SLC1A1: variants seen among roughly 807,000 people sequenced by gnomAD.
SLC1A1 encodes solute carrier family 1 member 1, also known as excitatory amino acid transporter 3.
SLC1A1 carries 43 observed loss-of-function variants against 53.3 expected under a neutral mutation model. The ratio of observed to expected loss-of-function variants is 0.81; its 90% confidence interval spans 0.63 to 1.04. SLC1A1 has a LOEUF of 1.04. Ranked by LOEUF, SLC1A1 falls within the 50% of genes least tolerant of loss-of-function variation. The pLI is 0.00. For synonymous variants in SLC1A1, 307 were observed against 243.2 expected (o/e 1.26, Z -2.44); for missense variants, 748 against 664.9 (o/e 1.12, Z -1.37).
chr9:4,532,498 A>G (rs1428817008), intron 1 of SLC1A1, among the ~76,000 whole-genome samples: 1 of 152,198 alleles, frequency 6.6e-6, no homozygotes, highest in African/African-American at 2.4e-5. Context: ...TGAAGTGAGA[A>G]GAGAAGTTTA....
At chr9:4,570,902 G>C (rs1201520708) in intron 6 of SLC1A1, among the ~76,000 whole-genome samples, 3 of 147,276 alleles carry the variant, frequency 2.0e-5, no homozygotes, top group African/African-American at 5.2e-5. Flanking sequence ...GACAACATGA[G>C]ACCCTGTCTG....
intron 1 of SLC1A1, among the ~76,000 whole-genome samples, chr9:4,517,650 G>T (rs565024699): frequency 1.4e-4 from 22 of 152,328 alleles, no homozygotes; most frequent in African/African-American, 4.8e-4. Context: ...TATGTGGGCT[G>T]AGCTCACAAA....
chr9:4,511,375 A>G (rs1364504416), intron 1 of SLC1A1, among the ~76,000 whole-genome samples: 2 of 152,020 alleles, frequency 1.3e-5, no homozygotes, highest in Non-Finnish European at 2.9e-5. Context: ...GACTCTTTCA[A>G]AAAGGCACTA....
rs577526506 is a variant in SLC1A1 at position 4,583,899 on chromosome 9, C to G, written c.1328+727C>G. Among the ~76,000 whole-genome samples, 7 of 149,848 alleles carry G rather than the reference C, an allele frequency of 4.7e-5. No homozygotes were observed. In the South Asian group the frequency reaches 1.5e-3, roughly 32 times the overall value. On this transcript the variant is annotated intron_variant, in intron 11 of 11. Coordinates refer to ENST00000262352, the MANE Select transcript of SLC1A1 (RefSeq NM_004170.6). This position sits in a 1 kb window ranked among gnomAD's most constrained non-coding sequence, Gnocchi z 4.6. ...TCTCTCTCTCACACACACACACACA[C>G]ACACACACACACATATGGAATACAG...
chr9:4,511,600 C>CACACACACACACACA (rs55687734), intron 1 of SLC1A1, among the ~76,000 whole-genome samples: 3 of 114,990 alleles, frequency 2.6e-5, no homozygotes, highest in African/African-American at 9.0e-5. Flanking sequence ...CACACACACA[C>CACACACACACACACA]TACACTACAC....
intron 2 of SLC1A1, among the ~76,000 whole-genome samples, chr9:4,552,223 A>T (rs1399199214): frequency 1.3e-5 from 2 of 152,232 alleles, no homozygotes; most frequent in Non-Finnish European, 2.9e-5. Context: ...TTAATGAGCC[A>T]GGCTCTGCTA....
chr9:4,568,413 G>C (rs60133590), intron 6 of SLC1A1, among the ~76,000 whole-genome samples: 9 of 145,424 alleles, frequency 6.2e-5, no homozygotes, highest in South Asian at 4.3e-4. Context: ...CTGAGACCCT[G>C]TCTCAAAAAA....
chr9:4,511,058 A>G (rs1157639448), intron 1 of SLC1A1, among the ~76,000 whole-genome samples: 1 of 152,230 alleles, frequency 6.6e-6, no homozygotes, highest in South Asian at 2.1e-4. Context: ...TATTGAATTC[A>G]TAGTTACAAA....
intron 6 of SLC1A1, among the ~76,000 whole-genome samples, chr9:4,571,551 C>G (rs1294580761): frequency 1.3e-5 from 2 of 152,100 alleles, no homozygotes; most frequent in Non-Finnish European, 2.9e-5. Flanking sequence ...GGGGCGGATG[C>G]CTGTAATCCC....
chr9:4,550,085 G>A (rs558324258), intron 2 of SLC1A1, among the ~76,000 whole-genome samples: 1 of 152,258 alleles, frequency 6.6e-6, no homozygotes, highest in African/African-American at 2.4e-5. Context: ...CCAGGCCACT[G>A]AGTGTGAGTC....
chr9:4,572,339 T>C lies in SLC1A1; in HGVS notation c.718T>C (p.Phe240Leu). Reference protein sequence around the residue: ...GEKGQILVDFFNALSDATMKI... With the variant: ...GEKGQILVDFLNALSDATMKI... ...AAAGGGACAAATTCTGGTGGATTTC[T>C]TCAATGCTTTGAGTGATGCAACCAT... is the stretch of plus-strand genomic sequence containing the variant. The change falls in exon 7 of 12, where the codon TTC becomes CTC. Residue 240 changes from phenylalanine (F) to leucine (L), a missense_variant. Coordinates refer to ENST00000262352, the MANE Select transcript of SLC1A1 (RefSeq NM_004170.6). The C allele has an allele frequency of 6.2e-7, 1 of 1,614,206 alleles. No individual in the cohort carries two copies. The highest frequency in any genetic ancestry group is 1.1e-5 in the South Asian group (1 of 91,090).
intron 1 of SLC1A1, among the ~76,000 whole-genome samples, chr9:4,535,030 A>G (rs1816621021): frequency 6.6e-6 from 1 of 152,206 alleles, no homozygotes; most frequent in South Asian, 2.1e-4. Flanking sequence ...AAAACTCTCA[A>G]TAAATTAGGT....
chr9:4,538,789 T>C (rs1219807179), intron 1 of SLC1A1, among the ~76,000 whole-genome samples: 1 of 152,172 alleles, frequency 6.6e-6, no homozygotes, highest in African/African-American at 2.4e-5. Flanking sequence ...CAGGAAGAGA[T>C]GAGAAAGGGA....
In SLC1A1 at chr9:4,577,290, G is replaced by A. The variant is rs149394610; in HGVS notation, c.1193+527G>A. Among the ~76,000 whole-genome samples the A allele has an allele frequency of 2.2e-3, 338 of 152,330 alleles. 5 individuals are homozygous for A. Among genetic ancestry groups the A allele is most frequent in the African/African-American group, 7.7e-3 (321 of 41,576 alleles). Reference sequence around the variant, plus strand: ...GCATTTGGAGTGGCAGAAATAGCTTGTGATGCAGCCATGGGCTAGTTACAG... The same window carrying A: ...GCATTTGGAGTGGCAGAAATAGCTTATGATGCAGCCATGGGCTAGTTACAG... On this transcript the variant is annotated intron_variant, in intron 10 of 11. Coordinates refer to ENST00000262352, the MANE Select transcript of SLC1A1 (RefSeq NM_004170.6).
intron 10 of SLC1A1, among the ~76,000 whole-genome samples, chr9:4,578,743 C>G (rs895352117): frequency 5.3e-5 from 8 of 152,184 alleles, no homozygotes; most frequent in Non-Finnish European, 7.3e-5. Context: ...CAGCACTATT[C>G]AATATGGTAA....
At chr9:4,542,138 C>T (rs1381927441) in intron 1 of SLC1A1, among the ~76,000 whole-genome samples, 3 of 151,540 alleles carry the variant, frequency 2.0e-5, no homozygotes, top group Non-Finnish European at 4.4e-5. Context: ...TATTTCTATT[C>T]TTCTTTTTAG....
chr9:4,499,410 G>A (rs1820560680), intron 1 of SLC1A1, among the ~76,000 whole-genome samples: 1 of 152,086 alleles, frequency 6.6e-6, no homozygotes, highest in Non-Finnish European at 1.5e-5. Context: ...GATCCTTCTG[G>A]CCTCGCCAAA....
chr9:4,492,213 G>C (rs1820260071), intron 1 of SLC1A1, among the ~76,000 whole-genome samples: 1 of 152,084 alleles, frequency 6.6e-6, no homozygotes, highest in African/African-American at 2.4e-5. Context: ...TATTTAAATA[G>C]CATACGCTAC....
At chr9:4,528,415 A>C (rs1160844576) in intron 1 of SLC1A1, among the ~76,000 whole-genome samples, 2 of 152,142 alleles carry the variant, frequency 1.3e-5, no homozygotes, top group Non-Finnish European at 2.9e-5. Context: ...TACTAAAAAT[A>C]CAAAAACAAA....
Sources: allele counts gnomAD v4.1 joint callset (sites outside exome capture counted in the v4.1 genomes callset), GRCh38; gene constraint gnomAD v4.1.1; non-coding constraint Gnocchi (gnomAD v3.1); transcripts MANE v1.5; gene names NCBI Gene and HGNC (gene_info 2026-07-23, HGNC 2026-07-21).